STRADA: variants seen among roughly 807,000 people sequenced by gnomAD.
STRADA encodes STE20-related kinase adapter protein alpha.
STRADA carries 26 observed loss-of-function variants against 55.0 expected under a neutral mutation model. That is an observed-to-expected ratio of 0.47 (90% confidence interval 0.35 to 0.66). The LOEUF (loss-of-function observed/expected upper bound fraction) is 0.66, where lower values mean the gene tolerates loss of function less well. Among genes scored for constraint, STRADA ranks in the 30% least tolerant of loss-of-function variants. The pLI is 0.01. For synonymous variants in STRADA, 197 were observed against 210.9 expected (o/e 0.93, Z 0.57); for missense variants, 443 against 549.7 (o/e 0.81, Z 1.94).
At chr17:63,739,792 T>C (rs1022764560) in intron 1 of STRADA, among the ~76,000 whole-genome samples, 2 of 74,478 alleles carry the variant, frequency 2.7e-5, no homozygotes, top group African/African-American at 1.3e-4. Flanking sequence ...ACATATAATG[T>C]ACATAATTAT....
intron 10 of STRADA, 50 bp from the exon 11 acceptor site, chr17:63,704,632 G>GT: frequency 1.3e-6 from 1 of 773,032 alleles, no homozygotes; most frequent in Non-Finnish European, 1.9e-6. Context: ...GGGGGGGGGG[G>GT]TGGTCCCTGG....
At chr17:63,740,115 TAC>T (rs1377283661) in intron 1 of STRADA, among the ~76,000 whole-genome samples, 1 of 82,442 alleles carries the variant, frequency 1.2e-5, no homozygotes, top group African/African-American at 6.1e-5. Flanking sequence ...TATACATACA[TAC>T]ATATATATAT....
At chr17:63,728,538 G>T in intron 1 of STRADA, 125 bp from the exon 2 acceptor site, 1 of 527,704 alleles carries the variant, frequency 1.9e-6, no homozygotes, top group Non-Finnish European at 3.3e-6. Context: ...TAAATTGCTA[G>T]ATTTGTTTAG....
rs61151502 is a variant in STRADA, at chr17:63,703,988, C to CCAGAAT, written c.1143+16_1143+17insATTCTG. The CCAGAAT allele has an allele frequency of 4.3e-6, 7 of 1,613,676 alleles. No homozygotes were observed. Among genetic ancestry groups the CCAGAAT allele is most frequent in the East Asian group, 2.2e-5 (1 of 44,882 alleles). On this transcript the variant is annotated intron_variant, in intron 12 of 12. Transcript: ENST00000336174. ...ACCAGAACTAGAACCAGAACCAGAACGAAGGGGCTACGATACCTGCTTGAA... is the reference window on the plus strand; with the variant it reads ...ACCAGAACTAGAACCAGAACCAGAACCAGAATGAAGGGGCTACGATACCTGCTTGAA...
intron 4 of STRADA, among the ~76,000 whole-genome samples, chr17:63,718,571 T>C (rs1032463356): frequency 6.6e-6 from 1 of 152,198 alleles, no homozygotes; most frequent in African/African-American, 2.4e-5. Flanking sequence ...GTGGGTTGCT[T>C]TCAGACCCAA....
chr17:63,741,984 GT>G (rs1408208662), upstream of STRADA: 1 of 152,320 alleles, frequency 6.6e-6, no homozygotes, highest in Non-Finnish European at 1.5e-5. Flanking sequence ...GCGGTTCTCA[GT>G]TCCCGTTGTC....
At chr17:63,707,888 G>A (rs7210550) in intron 8 of STRADA, among the ~76,000 whole-genome samples, 42,107 of 145,046 alleles carry the variant, frequency 0.29, 6,235 homozygotes, top group Middle Eastern at 0.39. Flanking sequence ...CCGCCACCAC[G>A]CCCGGCTAAT....
intron 1 of STRADA, among the ~76,000 whole-genome samples, chr17:63,738,725 G>A (rs1213298096): frequency 6.6e-6 from 1 of 152,012 alleles, no homozygotes; most frequent in Non-Finnish European, 1.5e-5. Flanking sequence ...GGGTGTGATG[G>A]CATGCACCTG....
intron 3 of STRADA, among the ~76,000 whole-genome samples, chr17:63,725,071 A>G (rs191425626): frequency 6.2e-4 from 94 of 152,062 alleles, no homozygotes; most frequent in Admixed American, 5.2e-3. Flanking sequence ...TACTAAAAAT[A>G]CAAAAAAAAT....
At chr17:63,706,586 C>G (rs1214800862) in intron 10 of STRADA, 49 bp downstream of exon 10, 10 of 1,368,182 alleles carry the variant, frequency 7.3e-6, no homozygotes, top group Non-Finnish European at 1.0e-5. Flanking sequence ...CAACGAACAT[C>G]TGTGGAAGGC....
chr17:63,728,760 A>T (rs866584696), intron 1 of STRADA, among the ~76,000 whole-genome samples: 1 of 117,756 alleles, frequency 8.5e-6, no homozygotes, highest in Non-Finnish European at 1.8e-5. Flanking sequence ...AAAAAAAAAA[A>T]GCCAGGCAAG....
At chr17:63,705,226 ACTTG>A (rs2036004717) in intron 10 of STRADA, 1 of 444,244 alleles carries the variant, frequency 2.3e-6, no homozygotes, top group African/African-American at 1.9e-5. Context: ...GCCACTAGCC[ACTTG>A]TGGCTATTTC....
intron 1 of STRADA, among the ~76,000 whole-genome samples, chr17:63,729,923 C>T (rs1389942336): frequency 1.3e-5 from 2 of 151,378 alleles, no homozygotes; most frequent in Non-Finnish European, 1.5e-5. Context: ...CTGCAACCTC[C>T]GCCTCCCAGG....
At chr17:63,729,632 C>CA (rs1029763894) in intron 1 of STRADA, among the ~76,000 whole-genome samples, 3 of 151,506 alleles carry the variant, frequency 2.0e-5, no homozygotes, top group Admixed American at 1.3e-4. Context: ...TAAAAATACA[C>CA]AAAAAAATTA....
chr17:63,703,953 A>C (rs1568168809), intron 12 of STRADA, 52 bp downstream of exon 12: 1 of 1,606,368 alleles, frequency 6.2e-7, no homozygotes, highest in East Asian at 2.3e-5. Flanking sequence ...AGGGATTGTG[A>C]GTTGTTAGAA....
At chr17:63,714,327 G>A (rs566637542) in intron 4 of STRADA, 2 of 498,916 alleles carry the variant, frequency 4.0e-6, no homozygotes, top group East Asian at 4.4e-5. Flanking sequence ...TACAAATGAG[G>A]AGACAAGGAC....
At chr17:63,722,518 C>A (rs1260365526) in intron 4 of STRADA, among the ~76,000 whole-genome samples, 1 of 152,182 alleles carries the variant, frequency 6.6e-6, no homozygotes, top group Non-Finnish European at 1.5e-5. Flanking sequence ...GAGAGGTGCT[C>A]CTGATTAGCA....
At chr17:63,740,128 A>ATATATATG (rs2038805209) in intron 1 of STRADA, among the ~76,000 whole-genome samples, 1 of 51,316 alleles carries the variant, frequency 1.9e-5, no homozygotes, top group Non-Finnish European at 3.3e-5. Flanking sequence ...ATATATATAT[A>ATATATATG]CACATACATA....
chr17:63,740,703 TA>T (rs1272742755), intron 1 of STRADA, among the ~76,000 whole-genome samples: 2 of 152,114 alleles, frequency 1.3e-5, no homozygotes, highest in African/African-American at 2.4e-5. Flanking sequence ...AGATAAGTGG[TA>T]GGGGACTAAT....
Sources: gnomAD v4.1 joint callset for allele counts (sites outside exome capture counted in the v4.1 genomes callset) on GRCh38, gnomAD v4.1.1 for gene constraint, MANE v1.5 for transcripts, NCBI Gene and HGNC (gene_info 2026-07-23, HGNC 2026-07-21) for gene names.